Variants in SH3GL2 observed in about 807,000 individuals in gnomAD.
SH3GL2 encodes the protein endophilin-A1.
A neutral mutation model predicts 46.0 loss-of-function variants in SH3GL2; 24 were observed. The observed-to-expected ratio is 0.52, with a 90% CI of 0.38 to 0.73. The LOEUF is 0.73. Among genes scored for constraint, SH3GL2 ranks in the 30% least tolerant of loss-of-function variants. The pLI, the probability that SH3GL2 is intolerant of heterozygous loss-of-function variation, is 0.00. For missense variants in SH3GL2, 413 were observed against 424.2 expected, an observed-to-expected ratio of 0.97 and a Z score of 0.23; for synonymous variants, 196 against 147.1, an observed-to-expected ratio of 1.33 and a Z score of -2.40.
intron 1 of SH3GL2, among the ~76,000 whole-genome samples, chr9:17,719,146 G>A (rs1588270739): frequency 6.6e-6 from 1 of 152,050 alleles, no homozygotes. Flanking sequence ...TAATCTTCAG[G>A]AGGGTTGTTG....
At chr9:17,787,170 T>C (rs1468383005) in intron 4 of SH3GL2, among the ~76,000 whole-genome samples, 6 of 152,138 alleles carry the variant, frequency 3.9e-5, no homozygotes, top group African/African-American at 1.4e-4. Flanking sequence ...AAGGAAAAAG[T>C]AACTGTTCCA....
chr9:17,693,332 C>CATTT (rs1339221842), intron 1 of SH3GL2, among the ~76,000 whole-genome samples: 1 of 152,094 alleles, frequency 6.6e-6, no homozygotes, highest in African/African-American at 2.4e-5. Context: ...GAAACCCTAC[C>CATTT]ATTTAGGAGG....
At chr9:17,695,838 A>C (rs1054483542) in intron 1 of SH3GL2, among the ~76,000 whole-genome samples, 1 of 150,304 alleles carries the variant, frequency 6.7e-6, no homozygotes, top group Admixed American at 6.6e-5. Context: ...GGAGGATGGT[A>C]TTTTATCTGA....
At position 17,795,734 on chromosome 9, in the gene SH3GL2, G is replaced by T. The variant is rs756126258; in HGVS notation, c.1050G>T (p.Leu350=). 6.2e-7 allele frequency: 1 copy of T among 1,613,350 alleles called. No homozygotes were observed. The highest frequency in any genetic ancestry group is 1.7e-5 in the Admixed American group (1 of 59,996). ...PINYVEILVA[L]PH is the part of the protein sequence containing the mutation. ...ATTATGTGGAAATTCTGGTTGCCCT[G>T]CCCCATTAGGATGTTATGCTGGCTG... Residue 350 remains leucine, a synonymous_variant, in exon 9 of 9, where the codon CTG becomes CTT. Coordinates refer to ENST00000380607, the MANE Select transcript of SH3GL2 (RefSeq NM_003026.5).
intron 1 of SH3GL2, among the ~76,000 whole-genome samples, chr9:17,642,171 C>T (rs994780494): frequency 1.3e-5 from 2 of 152,270 alleles, no homozygotes; most frequent in African/African-American, 4.8e-5. Context: ...TGAAAAGTGT[C>T]TGTTCATATC....
intron 2 of SH3GL2, among the ~76,000 whole-genome samples, chr9:17,756,664 T>G (rs565201629): frequency 6.6e-6 from 1 of 152,246 alleles, no homozygotes; most frequent in South Asian, 2.1e-4. Context: ...CTCATCATTT[T>G]TTATGGCTGC....
intron 1 of SH3GL2, among the ~76,000 whole-genome samples, chr9:17,699,235 G>A (rs7021704): frequency 0.45 from 68,041 of 150,688 alleles, 16,257 homozygotes; most frequent in East Asian, 0.63. Flanking sequence ...ATTCCTCTCT[G>A]TATAAAACCA....
chr9:17,602,588 C>A (rs1256969258), intron 1 of SH3GL2, among the ~76,000 whole-genome samples: 1 of 152,034 alleles, frequency 6.6e-6, no homozygotes, highest in Non-Finnish European at 1.5e-5. Context: ...GTAACCGGAT[C>A]CCATGTAGAC....
intron 2 of SH3GL2, among the ~76,000 whole-genome samples, chr9:17,756,505 G>A (rs1043863670): frequency 7.8e-6 from 1 of 127,632 alleles, no homozygotes; most frequent in African/African-American, 3.1e-5. Flanking sequence ...GCCCCCATGT[G>A]TGATGTTCCC....
At chr9:17,767,524 A>C (rs1364147009) in intron 3 of SH3GL2, among the ~76,000 whole-genome samples, 1 of 152,224 alleles carries the variant, frequency 6.6e-6, no homozygotes, top group Admixed American at 6.5e-5. Flanking sequence ...CCTTGGTCTC[A>C]CAACACACTG....
chr9:17,692,409 G>A (rs1217803900), intron 1 of SH3GL2, among the ~76,000 whole-genome samples: 3 of 152,002 alleles, frequency 2.0e-5, no homozygotes, highest in African/African-American at 7.2e-5. Flanking sequence ...CTTTTGAGAG[G>A]CCAAGGTGGG....
chr9:17,592,477 T>C (rs1490374151), intron 1 of SH3GL2, among the ~76,000 whole-genome samples: 1 of 152,228 alleles, frequency 6.6e-6, no homozygotes, highest in Non-Finnish European at 1.5e-5. Context: ...GAAAAATCAC[T>C]ATTAATTATC....
chr9:17,583,416 G>T (rs911559288), intron 1 of SH3GL2, among the ~76,000 whole-genome samples: 1 of 152,140 alleles, frequency 6.6e-6, no homozygotes, highest in Non-Finnish European at 1.5e-5. Context: ...AGAAGTTGAA[G>T]GGGTCACCCT....
chr9:17,706,841 C>A (rs1036144494), intron 1 of SH3GL2, among the ~76,000 whole-genome samples: 3 of 151,916 alleles, frequency 2.0e-5, no homozygotes, highest in African/African-American at 4.8e-5. Context: ...CCTCTTCTCA[C>A]GTAGGAGAGT....
chr9:17,680,001 C>A (rs978833525), intron 1 of SH3GL2, among the ~76,000 whole-genome samples: 1 of 152,112 alleles, frequency 6.6e-6, no homozygotes, highest in East Asian at 1.9e-4. Context: ...GGTGGATAAG[C>A]TTTTTGATGT....
At chr9:17,736,247 A>G (rs1822330938) in intron 1 of SH3GL2, among the ~76,000 whole-genome samples, 1 of 152,114 alleles carries the variant, frequency 6.6e-6, no homozygotes, top group African/African-American at 2.4e-5. Flanking sequence ...GGCTTTTTAA[A>G]TTTTTTGATT....
chr9:17,744,584 C>T (rs1822627210), intron 1 of SH3GL2, among the ~76,000 whole-genome samples: 2 of 152,062 alleles, frequency 1.3e-5, no homozygotes, highest in African/African-American at 4.8e-5. Flanking sequence ...CCAGGCTGGT[C>T]TCGGAAATCC....
chr9:17,597,859 C>G (rs529386654), intron 1 of SH3GL2, among the ~76,000 whole-genome samples: 2 of 152,186 alleles, frequency 1.3e-5, no homozygotes, highest in Non-Finnish European at 1.5e-5. Context: ...TTTTTCCCCT[C>G]TTTATGCTCT....
At chr9:17,761,677 GC>G (rs1278674060) in intron 3 of SH3GL2, 168 bp downstream of exon 3, 15 of 678,254 alleles carry the variant, frequency 2.2e-5, no homozygotes, top group Admixed American at 1.1e-4. Context: ...GGGGAGAAGG[GC>G]TTTTTAAAGC....
Sources: gnomAD v4.1 joint callset for allele counts (sites outside exome capture counted in the v4.1 genomes callset) on GRCh38, gnomAD v4.1.1 for gene constraint, MANE v1.5 for transcripts, NCBI Gene and HGNC (gene_info 2026-07-23, HGNC 2026-07-21) for gene names.